Variants in STK3 observed in about 807,000 individuals in gnomAD.
STK3 encodes the protein serine/threonine-protein kinase 3.
STK3 carries 41 observed loss-of-function variants against 58.0 expected under a neutral mutation model. That is an observed-to-expected ratio of 0.71 (90% CI 0.55 to 0.92). STK3 has a LOEUF of 0.92. Ranked by LOEUF, STK3 falls within the 40% of genes least tolerant of loss-of-function variation. The pLI is 0.00. For synonymous variants in STK3, 170 were observed against 191.0 expected (o/e 0.89, Z 0.91); for missense variants, 479 against 602.7 (o/e 0.79, Z 2.15).
In STK3 at chr8:98,539,126, C is replaced by A. The variant is rs375665820; in HGVS notation, c.1141+8843G>T. Among the ~76,000 whole-genome samples the A allele has an allele frequency of 8.5e-5, 13 of 152,270 alleles. No individual in the cohort carries two copies. In the South Asian group the frequency reaches 2.7e-3, roughly 32 times the overall value. ...TCCCCTACACATTCTCCTACCCTTG[C>A]CAATTATTTCTTGGCATCTCAAATT... On this transcript the variant is annotated intron_variant, in intron 9 of 10. Coordinates refer to ENST00000419617, the MANE Select transcript of STK3 (RefSeq NM_006281.4).
rs1228263398 is a variant in STK3 at position 98,699,755 on chromosome 8, G to GGT, written c.684+6710_684+6711dup. On this transcript the variant is annotated intron_variant, in intron 6 of 10. Transcript: ENST00000419617. ...CTCAGAGGAGTACCCGGCCGTGTGA[G>GGT]GTGTCAGTCTGCCCCTACTTGGGGG... Among the ~76,000 whole-genome samples, 4 of 152,320 alleles carry GGT rather than the reference G, an allele frequency of 2.6e-5. No individual in the cohort carries two copies. In the East Asian group the frequency reaches 7.7e-4, roughly 29 times the overall value.
intron 2 of STK3, among the ~76,000 whole-genome samples, chr8:98,372,374 C>T (rs1817618804): frequency 6.6e-6 from 1 of 152,218 alleles, no homozygotes; most frequent in South Asian, 2.1e-4. Context: ...CAGCCATCAG[C>T]TGGGGAGGCC....
chr8:98,764,443 G>T (rs1169517511), intron 3 of STK3, among the ~76,000 whole-genome samples: 1 of 152,186 alleles, frequency 6.6e-6, no homozygotes, highest in African/African-American at 2.4e-5. Flanking sequence ...AAGGAATGAA[G>T]AGAAGAATAA....
At chr8:98,654,089 A>G (rs1164010394) in intron 6 of STK3, among the ~76,000 whole-genome samples, 4 of 152,192 alleles carry the variant, frequency 2.6e-5, no homozygotes, top group Non-Finnish European at 5.9e-5. Flanking sequence ...CCTCAATAAA[A>G]TACTGACAAA....
chr8:98,778,307 A>G, intron 1 of STK3, among the ~76,000 whole-genome samples: 1 of 152,264 alleles, frequency 6.6e-6, no homozygotes, highest in Non-Finnish European at 1.5e-5. Flanking sequence ...CATCAGAGAA[A>G]TGCAAATCAA....
At chr8:98,621,008 C>A (rs1037937277) in intron 6 of STK3, among the ~76,000 whole-genome samples, 4 of 149,810 alleles carry the variant, frequency 2.7e-5, no homozygotes, top group Non-Finnish European at 5.9e-5. Context: ...CGGCTCACTG[C>A]AAGCTCCGCT....
rs1457429151 is a variant in STK3 at position 98,456,014 on chromosome 8, G to T, written c.1318-14C>A. ...TAGATTTTTCAACTAGATACAGAAA[G>T]AAAGATACCAATACAATGAAATTAT... is the stretch of plus-strand genomic sequence containing the variant. On this transcript the variant is annotated splice_polypyrimidine_tract_variant and intron_variant, in intron 10 of 10. Transcript: ENST00000419617. 6.3e-7 allele frequency: 1 copy of T among 1,592,696 alleles called. No homozygotes were observed. Among genetic ancestry groups the T allele is most frequent in the Admixed American group, 1.8e-5 (1 of 56,722 alleles).
At chr8:98,617,993 G>A (rs561229461) in intron 6 of STK3, among the ~76,000 whole-genome samples, 11 of 152,058 alleles carry the variant, frequency 7.2e-5, no homozygotes, top group African/African-American at 1.4e-4. Context: ...TACCAAAGCC[G>A]GGCAGAGACA....
chr8:98,855,887 T>G (rs1836650403), intron 3 of STK3, among the ~76,000 whole-genome samples: 1 of 151,956 alleles, frequency 6.6e-6, no homozygotes, highest in South Asian at 2.1e-4. Context: ...CCGGGCATGG[T>G]GGTTCACGCC....
intron 6 of STK3, among the ~76,000 whole-genome samples, chr8:98,668,464 T>C (rs1822535797): frequency 1.3e-5 from 2 of 152,278 alleles, no homozygotes; most frequent in East Asian, 3.9e-4. Context: ...GCTCCACCAG[T>C]TGGATTATTT....
At chr8:98,529,711 C>G (rs1826021114) in intron 9 of STK3, among the ~76,000 whole-genome samples, 1 of 152,140 alleles carries the variant, frequency 6.6e-6, no homozygotes, top group Non-Finnish European at 1.5e-5. Flanking sequence ...GAAATTCTGA[C>G]ACATGCTACA....
intron 8 of STK3, among the ~76,000 whole-genome samples, chr8:98,552,779 A>G (rs1024963424): frequency 2.0e-5 from 3 of 152,156 alleles, no homozygotes; most frequent in Non-Finnish European, 2.9e-5. Flanking sequence ...AATCCTCATT[A>G]TTAAAACACC....
At chr8:98,353,900 A>C in the STK3 span, among the ~76,000 whole-genome samples, 2 of 150,648 alleles carry the variant, frequency 1.3e-5, no homozygotes, top group South Asian at 4.2e-4. Flanking sequence ...AATAGTGACC[A>C]CTGCCACTGC....
At chr8:98,687,729 A>G in intron 6 of STK3, among the ~76,000 whole-genome samples, 1 of 152,200 alleles carries the variant, frequency 6.6e-6, no homozygotes, top group Admixed American at 6.5e-5. Flanking sequence ...AGCAATTACT[A>G]AGCAAATTCA....
intron 1 of STK3, among the ~76,000 whole-genome samples, chr8:98,902,942 A>T (rs921800339): frequency 5.9e-5 from 9 of 152,250 alleles, no homozygotes; most frequent in Admixed American, 5.9e-4. Context: ...GAACTCAGTC[A>T]GTCTGACTCC....
At chr8:98,783,499 C>A (rs1832253117) in intron 1 of STK3, among the ~76,000 whole-genome samples, 1 of 152,200 alleles carries the variant, frequency 6.6e-6, no homozygotes, top group African/African-American at 2.4e-5. Context: ...GAGTCAAAAT[C>A]TTTTTGCTGG....
chr8:98,527,665 T>TA (rs1216149217), intron 9 of STK3, among the ~76,000 whole-genome samples: 2 of 151,732 alleles, frequency 1.3e-5, no homozygotes, highest in East Asian at 1.9e-4. Flanking sequence ...TTAAAAAAAT[T>TA]AAAAAAAATC....
chr8:98,683,565 C>T (rs139021901), intron 6 of STK3, among the ~76,000 whole-genome samples: 17 of 152,030 alleles, frequency 1.1e-4, no homozygotes, highest in South Asian at 4.1e-4. Context: ...TAGGGAAATA[C>T]GACAACTATA....
chr8:98,482,942 T>C (rs989746197), intron 10 of STK3, among the ~76,000 whole-genome samples: 1 of 152,198 alleles, frequency 6.6e-6, no homozygotes, highest in African/African-American at 2.4e-5. Flanking sequence ...TTGAATTTGA[T>C]GGAATGAAAG....
Sources: gnomAD v4.1 joint callset for allele counts (sites outside exome capture counted in the v4.1 genomes callset) on GRCh38, gnomAD v4.1.1 for gene constraint, MANE v1.5 for transcripts, NCBI Gene and HGNC (gene_info 2026-07-23, HGNC 2026-07-21) for gene names.